Variants in FATE1 observed in about 807,000 individuals in gnomAD.
The protein encoded by FATE1 is fetal and adult testis expressed 1.
In FATE1, 18 loss-of-function variants were observed where a neutral mutation model predicts 16.0. The observed-to-expected ratio is 1.12, with a 90% CI of 0.78 to 1.66. The LOEUF is 1.66. Among genes scored for constraint, FATE1 ranks in the 40% most tolerant of loss-of-function variants. FATE1 has a pLI of 0.00. For missense variants in FATE1, 169 were observed against 152.7 expected (o/e 1.11, Z -0.56); for synonymous variants, 76 against 56.9 (o/e 1.34, Z -1.51).
intron 2 of FATE1, 133 bp downstream of exon 2, chrX:151,717,532 G>A: frequency 1.3e-6 from 1 of 761,418 alleles, no homozygotes; most frequent in Non-Finnish European, 1.8e-6. Context: ...TGTGCTCCAA[G>A]CTGGCAAATG....
rs183646115 is a variant in FATE1, at chrX:151,719,122, T to C, written c.234+1723T>C. Among the ~76,000 whole-genome samples, 5 of 111,977 alleles carry C rather than the reference T, an allele frequency of 4.5e-5. No individual in the cohort carries two copies. The East Asian group carries it at 1.4e-3, about 31-fold the overall frequency. ...GACTACAAGGGCTAGAGGTAGACTG[T>C]TTGAAAATATAGACATTATATTGAA... On this transcript the variant is annotated intron_variant, in intron 2 of 4. Coordinates refer to ENST00000370350, the MANE Select transcript of FATE1 (RefSeq NM_033085.3).
chrX:151,720,641 G>A (rs1225267626), intron 2 of FATE1, among the ~76,000 whole-genome samples: 1 of 112,220 alleles, frequency 8.9e-6, no homozygotes, highest in African/African-American at 3.2e-5. Context: ...GCTGTGACGA[G>A]GAATCAGTCA....
intron 2 of FATE1, among the ~76,000 whole-genome samples, chrX:151,719,281 A>T (rs1460784180): frequency 2.7e-5 from 3 of 112,214 alleles, no homozygotes; most frequent in African/African-American, 9.7e-5. Flanking sequence ...CATAATATGC[A>T]AGGGTGAGAA....
Position 151,717,275 on chromosome X carries a change from T to A in FATE1, c.110T>A (p.Met37Lys), listed in dbSNP as rs1243844271. The A allele has an allele frequency of 1.7e-6, 2 of 1,202,906 alleles. No homozygotes were observed. Among genetic ancestry groups the A allele is most frequent in the Non-Finnish European group, 2.2e-6 (2 of 890,715 alleles). Residue 37 changes from methionine to lysine, a missense_variant, in exon 2 of 5, where the codon ATG becomes AAG. Met to Lys is a moderately conservative substitution (Grantham distance 95). Coordinates refer to ENST00000370350, the MANE Select transcript of FATE1 (RefSeq NM_033085.3). ...ENQEHLVIAE[M>K]MELGSRSRGA... is the part of the protein sequence containing the mutation. ...GAGCTTCTGTTCTTCTCTCTAGAAATGATGGAGCTTGGATCTCGGTCCCGG... is the reference window on the plus strand; with the variant it reads ...GAGCTTCTGTTCTTCTCTCTAGAAAAGATGGAGCTTGGATCTCGGTCCCGG...
At chrX:151,721,283 A>T in intron 2 of FATE1, 112 bp from the exon 3 acceptor site, 1 of 644,394 alleles carries the variant, frequency 1.6e-6, no homozygotes, top group Non-Finnish European at 2.4e-6. Flanking sequence ...TTGATTCCAG[A>T]GACCAGGCAC....
chrX:151,721,605 A>C, intron 3 of FATE1, 104 bp downstream of exon 3: 1 of 716,054 alleles, frequency 1.4e-6, no homozygotes, highest in Non-Finnish European at 2.2e-6. Context: ...GAGGGCCTGG[A>C]ATGCCTCCCT....
intron 2 of FATE1, among the ~76,000 whole-genome samples, chrX:151,719,969 G>A (rs1654730559): frequency 8.9e-6 from 1 of 111,823 alleles, no homozygotes; most frequent in Admixed American, 9.5e-5. Context: ...ACTTCAGCAG[G>A]GTGAGCGGGT....
intron 2 of FATE1, among the ~76,000 whole-genome samples, chrX:151,719,470 T>C (rs747090669): frequency 8.9e-6 from 1 of 112,487 alleles, no homozygotes; most frequent in South Asian, 3.7e-4. Context: ...CATTCATCCT[T>C]ATTTTTTGCC....
At chrX:151,717,243 G>A in intron 1 of FATE1, 29 bp from the exon 2 acceptor site, 2 of 1,190,540 alleles carry the variant, frequency 1.7e-6, no homozygotes, top group East Asian at 3.1e-5. Context: ...TTCTATGGGT[G>A]CTCCTGGAGC....
At chrX:151,719,861 G>A in intron 2 of FATE1, among the ~76,000 whole-genome samples, 1 of 111,804 alleles carries the variant, frequency 8.9e-6, no homozygotes, top group East Asian at 2.8e-4. Context: ...GGTGACAGGT[G>A]AGCCTTGGTT....
rs1238220026 is a variant in FATE1, at chrX:151,718,153, GAA to G, written c.234+755_234+756del. ...GGAAGGAAGGAAGGAAGGAAGGAAGGAAGGAAGGAAGGAAGGAAGGGGAAAAG... is the reference window on the plus strand; with the variant it reads ...GGAAGGAAGGAAGGAAGGAAGGAAGGGGAAGGAAGGAAGGAAGGGGAAAAG... On this transcript the variant is annotated intron_variant, in intron 2 of 4. Transcript: ENST00000370350. 1.8e-3 allele frequency among the ~76,000 whole-genome samples: 175 copies of G among 96,516 alleles called. 4 individuals are homozygous for G. Among genetic ancestry groups the G allele is most frequent in the African/African-American group, 6.2e-3 (163 of 26,288 alleles). 83.8% of individuals were successfully genotyped at this position (96,516 alleles called of 115,157 possible).
At chrX:151,719,052 G>A (rs2015091622) in intron 2 of FATE1, among the ~76,000 whole-genome samples, 1 of 111,950 alleles carries the variant, frequency 8.9e-6, no homozygotes, top group African/African-American at 3.2e-5. Context: ...AACCACTAAT[G>A]TCCCTGAGAC....
Position 151,722,783 on chromosome X carries a change from T to A in FATE1, c.*24T>A, listed in dbSNP as rs760597589. On this transcript the variant is annotated 3_prime_UTR_variant, in exon 5 of 5. Coordinates refer to ENST00000370350, the MANE Select transcript of FATE1 (RefSeq NM_033085.3). The stretch of plus-strand genomic sequence containing the variant: ...GATCGCCCCAGCGCGGCCTCCGTAT[T>A]GGAGCCCTCCCTGCTTCCCCTTCTT... The A allele has an allele frequency of 8.4e-7, 1 of 1,188,433 alleles. No individual in the cohort carries two copies. Among genetic ancestry groups the A allele is most frequent in the Admixed American group, 2.3e-5 (1 of 43,422 alleles).
intron 3 of FATE1, 65 bp downstream of exon 3, chrX:151,721,566 G>A (rs2015116492): frequency 1.0e-5 from 10 of 993,543 alleles, no homozygotes; most frequent in Non-Finnish European, 1.4e-5. Context: ...CAGAGGGGCT[G>A]GTGAGCAGCC....
At chrX:151,722,491 C>G in intron 4 of FATE1, 137 bp from the exon 5 acceptor site, 2 of 947,726 alleles carry the variant, frequency 2.1e-6, no homozygotes, top group Non-Finnish European at 2.9e-6. Flanking sequence ...CTGCTTCTCA[C>G]TAGGGGCGCT....
At chrX:151,721,353 T>C (rs1485171272) in intron 2 of FATE1, 42 bp from the exon 3 acceptor site, 2 of 1,141,878 alleles carry the variant, frequency 1.8e-6, no homozygotes, top group East Asian at 6.0e-5. Context: ...GCCACTCATG[T>C]GGGGTTGGGC....
Position 151,717,365 on chromosome X carries a change from T to C in FATE1, c.200T>C (p.Val67Ala). ...GCTGGCTCTGCTTCAGCCAAACGAG[T>C]TTGGAATATGACTGCCACCCGACCC... ...KAAGSASAKR[V>A]WNMTATRPKK... Residue 67 changes from valine (V) to alanine (A), a missense_variant, in exon 2 of 5, where the codon GTT becomes GCT. Val to Ala is a moderately conservative substitution (Grantham distance 64, BLOSUM62 0). Coordinates refer to ENST00000370350, the MANE Select transcript of FATE1 (RefSeq NM_033085.3). The C allele has an allele frequency of 8.3e-7, 1 of 1,205,634 alleles. No individual in the cohort carries two copies. The highest frequency in any genetic ancestry group is 1.1e-6 in the Non-Finnish European group (1 of 892,006).
chrX:151,716,904 T>C (rs2015065442), intron 1 of FATE1, among the ~76,000 whole-genome samples: 1 of 111,321 alleles, frequency 9.0e-6, no homozygotes, highest in Non-Finnish European at 1.9e-5. Context: ...TTTTGATCAT[T>C]TATGGAGCCT....
At chrX:151,719,116 A>T (rs1447063609) in intron 2 of FATE1, among the ~76,000 whole-genome samples, 1 of 112,189 alleles carries the variant, frequency 8.9e-6, no homozygotes, top group Non-Finnish European at 1.9e-5. Context: ...GGCTAGAGGT[A>T]GACTGTTTGA....
Sources: gnomAD v4.1 joint callset for allele counts (sites outside exome capture counted in the v4.1 genomes callset) on GRCh38, gnomAD v4.1.1 for gene constraint, MANE v1.5 for transcripts, NCBI Gene and HGNC (gene_info 2026-07-23, HGNC 2026-07-21) for gene names.